Variants in CACNA2D3 observed in about 807,000 individuals in gnomAD.
The protein encoded by CACNA2D3 is voltage-dependent calcium channel subunit alpha-2/delta-3.
A neutral mutation model predicts 160.6 loss-of-function variants in CACNA2D3; 60 were observed. The ratio of observed to expected loss-of-function variants is 0.37; its 90% confidence interval spans 0.30 to 0.46. CACNA2D3 has a LOEUF of 0.46. CACNA2D3 is among the 20% of genes least tolerant of loss of function. The probability of loss-of-function intolerance (pLI) is 1.00; values close to 1 mark genes in which losing one functional copy is unlikely to be tolerated. For synonymous variants in CACNA2D3, 558 were observed against 492.9 expected (o/e 1.13, Z -1.75); for missense variants, 1,205 against 1,365.0 (o/e 0.88, Z 1.85).
Position 54,612,094 on chromosome 3 carries a change from C to T in CACNA2D3, c.964-15693C>T, listed in dbSNP as rs576613604. 5.3e-5 allele frequency among the ~76,000 whole-genome samples: 8 copies of T among 152,274 alleles called. No individual in the cohort carries two copies. The South Asian group carries it at 1.2e-3, about 24-fold the overall frequency. ...GGCTGTCCCAGGGTTGGTTTCCTTC[C>T]CCTTCCTCTGCTCCCCTTGGGAAGA... On this transcript the variant is annotated intron_variant, in intron 9 of 37. Transcript: ENST00000474759.
chr3:54,777,131 T>C (rs531413075), intron 13 of CACNA2D3, among the ~76,000 whole-genome samples: 1 of 152,326 alleles, frequency 6.6e-6, no homozygotes, highest in African/African-American at 2.4e-5. Flanking sequence ...ATTTTCTCCA[T>C]GTGAAAGATT....
intron 10 of CACNA2D3, among the ~76,000 whole-genome samples, chr3:54,641,193 A>G (rs1699511664): frequency 6.6e-6 from 1 of 152,182 alleles, no homozygotes; most frequent in South Asian, 2.1e-4. Flanking sequence ...TTATACATTT[A>G]AGGGAGACTG....
chr3:54,331,344 G>C (rs183453646), intron 3 of CACNA2D3, among the ~76,000 whole-genome samples: 1 of 152,268 alleles, frequency 6.6e-6, no homozygotes, highest in East Asian at 1.9e-4. Flanking sequence ...CTCCGTAGTC[G>C]TTTATTTGCT....
intron 2 of CACNA2D3, among the ~76,000 whole-genome samples, chr3:54,138,379 T>C (rs1224128126): frequency 6.6e-6 from 1 of 152,188 alleles, no homozygotes; most frequent in Non-Finnish European, 1.5e-5. Context: ...AAGAGGGCAG[T>C]CTGTGAAGCT....
intron 11 of CACNA2D3, among the ~76,000 whole-genome samples, chr3:54,717,607 TGTG>T (rs1701076495): frequency 1.4e-5 from 2 of 139,758 alleles, no homozygotes; most frequent in African/African-American, 5.4e-5. Context: ...CATTCGTGTG[TGTG>T]GTGTGTGTAG....
chr3:54,155,698 C>T (rs773687985), intron 2 of CACNA2D3, among the ~76,000 whole-genome samples: 6 of 152,130 alleles, frequency 3.9e-5, no homozygotes, highest in East Asian at 1.9e-4. Flanking sequence ...TGTTATCTAA[C>T]GTTGGGCCTG....
intron 8 of CACNA2D3, among the ~76,000 whole-genome samples, chr3:54,573,220 C>G (rs938190457): frequency 6.6e-6 from 1 of 152,086 alleles, no homozygotes; most frequent in African/African-American, 2.4e-5. Context: ...TTATTTGAAG[C>G]CTTTATAGTA....
At chr3:54,626,682 G>A in intron 9 of CACNA2D3, 2 of 312,096 alleles carry the variant, frequency 6.4e-6, no homozygotes, top group Non-Finnish European at 1.0e-5. Context: ...CATGGTTCCA[G>A]TCAAAAAAAA....
At chr3:54,687,423 T>C (rs1700487235) in intron 11 of CACNA2D3, among the ~76,000 whole-genome samples, 1 of 151,880 alleles carries the variant, frequency 6.6e-6, no homozygotes. Context: ...GTGCCAGGAT[T>C]ATAGGCATGA....
intron 2 of CACNA2D3, among the ~76,000 whole-genome samples, chr3:54,130,565 C>T (rs1699686619): frequency 7.1e-6 from 1 of 141,414 alleles, no homozygotes; most frequent in Non-Finnish European, 1.6e-5. Context: ...CCATTAAATT[C>T]TCCCAGCAAC....
chr3:54,709,173 C>A (rs1700909952), intron 11 of CACNA2D3, among the ~76,000 whole-genome samples: 1 of 148,480 alleles, frequency 6.7e-6, no homozygotes, highest in African/African-American at 2.6e-5. Context: ...CCATGCCTGA[C>A]TAATTTTTTT....
intron 9 of CACNA2D3, among the ~76,000 whole-genome samples, chr3:54,592,272 T>G (rs1702874406): frequency 1.3e-5 from 2 of 152,346 alleles, no homozygotes; most frequent in African/African-American, 4.8e-5. Flanking sequence ...GTGCTGGCCT[T>G]GATCAAACTG....
chr3:54,697,882 T>A (rs1700692670), intron 11 of CACNA2D3, among the ~76,000 whole-genome samples: 2 of 152,168 alleles, frequency 1.3e-5, no homozygotes, highest in Admixed American at 6.5e-5. Context: ...GCCAGACATT[T>A]TTTTTTTCTT....
intron 24 of CACNA2D3, among the ~76,000 whole-genome samples, chr3:54,889,843 C>T (rs921810737): frequency 5.9e-5 from 9 of 152,110 alleles, no homozygotes; most frequent in Admixed American, 3.9e-4. Context: ...TGTTTCTTTT[C>T]GGCTCTCATG....
At chr3:54,913,184 G>A (rs754716121) in intron 27 of CACNA2D3, among the ~76,000 whole-genome samples, 2 of 152,124 alleles carry the variant, frequency 1.3e-5, no homozygotes, top group African/African-American at 2.4e-5. Context: ...CTGAACTCAA[G>A]CAATCCTCCC....
intron 27 of CACNA2D3, among the ~76,000 whole-genome samples, chr3:54,922,776 C>T (rs1192029292): frequency 1.3e-5 from 2 of 152,102 alleles, no homozygotes; most frequent in Non-Finnish European, 1.5e-5. Flanking sequence ...TGACATGCCC[C>T]AAGCTGAAGT....
intron 3 of CACNA2D3, among the ~76,000 whole-genome samples, chr3:54,365,184 A>G (rs1285604878): frequency 2.0e-5 from 3 of 152,198 alleles, no homozygotes; most frequent in African/African-American, 7.2e-5. Context: ...ACCACTTCAA[A>G]CATCCTGCAG....
intron 27 of CACNA2D3, among the ~76,000 whole-genome samples, chr3:54,956,507 A>G: frequency 6.6e-6 from 1 of 152,170 alleles, no homozygotes; most frequent in East Asian, 1.9e-4. Context: ...TAACGTTCTC[A>G]GTCTTTTCAA....
intron 2 of CACNA2D3, among the ~76,000 whole-genome samples, chr3:54,317,174 T>C (rs1044147445): frequency 2.0e-5 from 3 of 152,196 alleles, no homozygotes; most frequent in African/African-American, 7.2e-5. Context: ...TGGCTTCCAT[T>C]TGAACTTAGG....
Sources: allele counts gnomAD v4.1 joint callset (sites outside exome capture counted in the v4.1 genomes callset), GRCh38; gene constraint gnomAD v4.1.1; transcripts MANE v1.5; gene names NCBI Gene and HGNC (gene_info 2026-07-23, HGNC 2026-07-21).